IL1RAPL2: variants seen among roughly 807,000 people sequenced by gnomAD.
IL1RAPL2 encodes the protein X-linked interleukin-1 receptor accessory protein-like 2.
Under a neutral mutation model 44.1 loss-of-function variants are expected in IL1RAPL2, and 3 were observed. The ratio of observed to expected loss-of-function variants is 0.07; its 90% CI spans 0.03 to 0.18. The LOEUF (loss-of-function observed/expected upper bound fraction) is 0.18, where lower values mean the gene tolerates loss of function less well. IL1RAPL2 is among the 10% of genes least tolerant of loss of function. IL1RAPL2 has a pLI of 1.00. For missense variants in IL1RAPL2, 391 were observed against 496.4 expected, an observed-to-expected ratio of 0.79 and a Z score of 2.02; for synonymous variants, 181 against 178.8, an observed-to-expected ratio of 1.01 and a Z score of -0.10.
At chrX:104,705,172 A>G (rs1049531092) in intron 2 of IL1RAPL2, among the ~76,000 whole-genome samples, 1 of 111,720 alleles carries the variant, frequency 9.0e-6, no homozygotes, top group South Asian at 3.8e-4. Flanking sequence ...CACAACAACC[A>G]TTTGATACAG....
At chrX:104,906,899 C>G (rs188271110) in intron 2 of IL1RAPL2, among the ~76,000 whole-genome samples, 18 of 111,902 alleles carry the variant, frequency 1.6e-4, no homozygotes, top group Admixed American at 1.6e-3. Context: ...CCTTGTACCT[C>G]TCATAGAATT....
chrX:104,737,463 G>A (rs1410554100), intron 2 of IL1RAPL2, among the ~76,000 whole-genome samples: 1 of 112,226 alleles, frequency 8.9e-6, no homozygotes, highest in Non-Finnish European at 1.9e-5. Flanking sequence ...AAGGAGGATG[G>A]CAAGCTCTGC....
intron 2 of IL1RAPL2, among the ~76,000 whole-genome samples, chrX:105,184,718 A>G (rs183757845): frequency 1.5e-3 from 169 of 110,564 alleles, no homozygotes; most frequent in Non-Finnish European, 1.7e-4. Context: ...AGAATATTTC[A>G]TAATGCCCTT....
intron 2 of IL1RAPL2, among the ~76,000 whole-genome samples, chrX:104,979,325 A>G (rs761413763): frequency 8.9e-6 from 1 of 111,904 alleles, no homozygotes; most frequent in Non-Finnish European, 1.9e-5. Context: ...TATATGAGTG[A>G]AACTCTAAAA....
At chrX:104,839,646 A>G (rs977187278) in intron 2 of IL1RAPL2, among the ~76,000 whole-genome samples, 5 of 111,933 alleles carry the variant, frequency 4.5e-5, no homozygotes, top group African/African-American at 1.6e-4. Context: ...TGTTTGGAGT[A>G]GTTTTAGAAG....
At chrX:105,375,540 CA>C (rs1255730470) in intron 5 of IL1RAPL2, among the ~76,000 whole-genome samples, 2 of 111,452 alleles carry the variant, frequency 1.8e-5, no homozygotes, top group African/African-American at 3.3e-5. Flanking sequence ...TCAACAACAA[CA>C]AAAAAACCCT....
chrX:105,007,355 T>A (rs762152209), intron 2 of IL1RAPL2, among the ~76,000 whole-genome samples: 2 of 111,719 alleles, frequency 1.8e-5, no homozygotes, highest in Non-Finnish European at 3.8e-5. Context: ...CCATGTGATT[T>A]GTCCAGAACT....
At chrX:104,810,420 T>G (rs1932966806) in intron 2 of IL1RAPL2, among the ~76,000 whole-genome samples, 1 of 110,850 alleles carries the variant, frequency 9.0e-6, no homozygotes, top group East Asian at 2.8e-4. Context: ...ATAATAATAA[T>G]AAAAGAAAAG....
chrX:104,743,320 A>ATTTT (rs201927008), intron 2 of IL1RAPL2, among the ~76,000 whole-genome samples: 71 of 100,241 alleles, frequency 7.1e-4, no homozygotes, highest in East Asian at 2.5e-3. Context: ...GTTTCAAACT[A>ATTTT]TTTTTTTTTT....
chrX:105,544,329 G>A (rs1396245116), intron 6 of IL1RAPL2, among the ~76,000 whole-genome samples: 1 of 101,300 alleles, frequency 9.9e-6, no homozygotes, highest in Non-Finnish European at 2.2e-5. Context: ...TTTTAGATTT[G>A]TTTATTTGCA....
chrX:105,463,570 CCACA>C (rs55781747), intron 5 of IL1RAPL2, among the ~76,000 whole-genome samples: 17,744 of 97,920 alleles, frequency 0.18, 3,910 homozygotes, highest in African/African-American at 0.6. Flanking sequence ...TCTCTCTCTC[CCACA>C]CACACACACA....
At chrX:104,608,832 G>A (rs182383998) in intron 1 of IL1RAPL2, among the ~76,000 whole-genome samples, 1 of 110,645 alleles carries the variant, frequency 9.0e-6, no homozygotes, top group African/African-American at 3.3e-5. Context: ...TTCAATTGGG[G>A]CATTTAGCCC....
intron 4 of IL1RAPL2, among the ~76,000 whole-genome samples, chrX:105,241,201 C>T (rs956316799): frequency 1.8e-5 from 2 of 111,293 alleles, no homozygotes; most frequent in Admixed American, 9.6e-5. Context: ...GACTTAATTT[C>T]GAAATTGGAA....
intron 2 of IL1RAPL2, among the ~76,000 whole-genome samples, chrX:105,069,618 C>A (rs2147537212): frequency 8.9e-6 from 1 of 112,058 alleles, no homozygotes; most frequent in South Asian, 3.7e-4. Context: ...ACAACAAAAA[C>A]ATTTTAGCTT....
chrX:104,635,989 C>G (rs1157091610), intron 1 of IL1RAPL2, among the ~76,000 whole-genome samples: 1 of 111,480 alleles, frequency 9.0e-6, no homozygotes, highest in South Asian at 3.8e-4. Context: ...TACCTTTGGT[C>G]TTTGATGATG....
chrX:104,920,158 C>T (rs865873905), intron 2 of IL1RAPL2, among the ~76,000 whole-genome samples: 7 of 111,270 alleles, frequency 6.3e-5, no homozygotes, highest in Non-Finnish European at 1.1e-4. Context: ...AATACAGTCT[C>T]GAAGCAACTG....
At chrX:105,110,160 C>T (rs1263218013) in intron 2 of IL1RAPL2, among the ~76,000 whole-genome samples, 1 of 112,171 alleles carries the variant, frequency 8.9e-6, no homozygotes, top group Non-Finnish European at 1.9e-5. Context: ...AGTCAGCTTC[C>T]TTAAGAGTTT....
intron 2 of IL1RAPL2, among the ~76,000 whole-genome samples, chrX:104,827,771 G>A (rs1921495392): frequency 4.5e-5 from 5 of 111,829 alleles, no homozygotes; most frequent in Admixed American, 3.8e-4. Flanking sequence ...CCAATCAAAC[G>A]TAGGTTTGGT....
intron 2 of IL1RAPL2, among the ~76,000 whole-genome samples, chrX:104,679,205 G>A (rs957968583): frequency 1.4e-4 from 15 of 110,975 alleles, no homozygotes; most frequent in African/African-American, 4.9e-4. Context: ...ATGGACTGGA[G>A]CCCATGAATG....
Sources: allele counts gnomAD v4.1 joint callset (sites outside exome capture counted in the v4.1 genomes callset), GRCh38; gene constraint gnomAD v4.1.1; transcripts MANE v1.5; gene names NCBI Gene and HGNC (gene_info 2026-07-23, HGNC 2026-07-21).